Variants in COL4A4 observed in about 807,000 individuals in gnomAD.
COL4A4 encodes collagen type IV alpha 4 chain, also known as collagen alpha-4(IV) chain.
COL4A4 carries 105 observed loss-of-function variants against 192.9 expected under a neutral mutation model. That is an observed-to-expected ratio of 0.54 (90% CI 0.46 to 0.64). COL4A4 has a LOEUF of 0.64. Among genes scored for constraint, COL4A4 ranks in the 30% least tolerant of loss-of-function variants. COL4A4 has a pLI of 0.00. For synonymous variants in COL4A4, 762 were observed against 769.9 expected (o/e 0.99, Z 0.17); for missense variants, 1,967 against 2,169.3 (o/e 0.91, Z 1.85).
rs745663670 is a variant in COL4A4 at position 227,123,388 on chromosome 2, G to T, written c.193-2240C>A. On this transcript the variant is annotated intron_variant, in intron 4 of 47. Transcript: ENST00000396625. The surrounding 1 kb of genome is among the most constrained non-coding windows in gnomAD (Gnocchi z 4.6). ...GCCCTCACAGCCTGACTTCATCAGG[G>T]TGCTCCAGGAGCAACACAGAGGATG... Among the ~76,000 whole-genome samples the T allele has an allele frequency of 1.3e-5, 2 of 152,188 alleles. No homozygotes were observed. The highest frequency in any genetic ancestry group is 2.4e-5 in the African/African-American group (1 of 41,462).
At chr2:227,030,356 A>C in intron 41 of COL4A4, 87 bp downstream of exon 41, 1 of 1,416,794 alleles carries the variant, frequency 7.1e-7, no homozygotes, top group Non-Finnish European at 1.0e-6. Context: ...TTGCATAGGA[A>C]ATAGAAATGG....
At chr2:227,151,162 AT>A (rs891272994) in intron 1 of COL4A4, among the ~76,000 whole-genome samples, 29 of 152,238 alleles carry the variant, frequency 1.9e-4, no homozygotes, top group African/African-American at 6.7e-4. Context: ...TCCCCCACAT[AT>A]ATCCTAATGC....
intron 2 of COL4A4, 58 bp from the exon 3 acceptor site, chr2:227,144,616 A>T: frequency 7.3e-7 from 1 of 1,378,664 alleles, no homozygotes; most frequent in Non-Finnish European, 1.0e-6. Flanking sequence ...GTGAAACAAA[A>T]AGAAAAAGAG....
chr2:227,122,727 AT>A (rs1161484570), intron 4 of COL4A4, among the ~76,000 whole-genome samples: 1 of 152,228 alleles, frequency 6.6e-6, no homozygotes. Flanking sequence ...ATCGCATAGC[AT>A]GAAGGCCAGA....
intron 3 of COL4A4, among the ~76,000 whole-genome samples, chr2:227,142,400 A>G (rs1229156468): frequency 1.3e-5 from 2 of 152,208 alleles, no homozygotes; most frequent in East Asian, 1.9e-4. Flanking sequence ...TCAAAGAGAA[A>G]AAAGGAAAAG....
Position 227,014,548 on chromosome 2 carries a change from T to C in COL4A4, c.4217-2251A>G, listed in dbSNP as rs1415782633. 2.6e-5 allele frequency among the ~76,000 whole-genome samples: 4 copies of C among 152,214 alleles called. No individual in the cohort carries two copies. In the East Asian group the frequency reaches 7.7e-4, roughly 29 times the overall value. On this transcript the variant is annotated intron_variant, in intron 44 of 47. Coordinates refer to ENST00000396625, the MANE Select transcript of COL4A4 (RefSeq NM_000092.5). ...GCAAACACAAGTACTGTTTATTCTG[T>C]GTCAGGCTGTGTTCTAAGTGCTTTT...
the COL4A4 span, among the ~76,000 whole-genome samples, chr2:226,974,766 G>C: frequency 6.6e-6 from 1 of 152,146 alleles, no homozygotes; most frequent in South Asian, 2.1e-4. Context: ...TGCAGGCTGA[G>C]AGTCGTGAAC....
intron 24 of COL4A4, 61 bp from the exon 25 acceptor site, chr2:227,078,138 T>G: frequency 6.4e-7 from 1 of 1,561,776 alleles, no homozygotes; most frequent in South Asian, 1.1e-5. Context: ...CTCAAAGCAG[T>G]CATTGTAGGT....
At chr2:227,025,145 G>A (rs911613820) in intron 43 of COL4A4, among the ~76,000 whole-genome samples, 1 of 152,186 alleles carries the variant, frequency 6.6e-6, no homozygotes, top group Admixed American at 6.5e-5. Context: ...AATACATGGT[G>A]TCTATATTCA....
intron 4 of COL4A4, among the ~76,000 whole-genome samples, chr2:227,138,860 G>C (rs1422916481): frequency 6.6e-6 from 1 of 152,120 alleles, no homozygotes; most frequent in African/African-American, 2.4e-5. Context: ...CTTCTCTTGT[G>C]GGTAGTGTTT....
downstream of COL4A4, chr2:226,998,143 G>C (rs1385620732): frequency 2.0e-5 from 3 of 152,196 alleles, no homozygotes; most frequent in African/African-American, 7.2e-5. Flanking sequence ...TTTTAATGCA[G>C]AATCTTTACT....
At position 227,043,162 on chromosome 2, in the gene COL4A4, C is replaced by T; in HGVS notation, c.3312G>A (p.Glu1104=). Residue 1104 remains glutamate (E), a synonymous_variant, in exon 36 of 48, where the codon GAG becomes GAA. Coordinates refer to ENST00000396625, the MANE Select transcript of COL4A4 (RefSeq NM_000092.5). ...GCCCTTGAATACCAGGCAAGCCCTG[C>T]TCTCCGGATGCTCCAAAATGCCCTA... ...GCPGHFGASG[E]QGLPGIQGPR... is the part of the protein sequence containing the mutation. The T allele has an allele frequency of 6.2e-7, 1 of 1,614,128 alleles. No individual in the cohort carries two copies. Among genetic ancestry groups the T allele is most frequent in the Non-Finnish European group, 8.5e-7 (1 of 1,179,992 alleles).
At chr2:227,103,948 G>T in intron 13 of COL4A4, 24 bp downstream of exon 13, 2 of 1,572,424 alleles carry the variant, frequency 1.3e-6, no homozygotes, top group Non-Finnish European at 1.7e-6. Context: ...ACTTTCCAAG[G>T]TGACATATGG....
rs991054189 is a variant in COL4A4, at chr2:227,003,295, G to T, written c.*4030C>A. ...GTGACCATAGTAAGTGTATGATGAT[G>T]GGTATGCTAGACAGGTAATCTAACT... On this transcript the variant is annotated 3_prime_UTR_variant, in exon 48 of 48. Transcript: ENST00000396625. The T allele has an allele frequency of 1.3e-5, 2 of 152,158 alleles. No individual in the cohort carries two copies. Among genetic ancestry groups the T allele is most frequent in the African/African-American group, 2.4e-5 (1 of 41,422 alleles). The allele number at this position is 152,158 out of a possible 1,614,324, so 9.4% of individuals were successfully genotyped here.
At chr2:227,009,697 CA>C (rs796950369) in intron 46 of COL4A4, among the ~76,000 whole-genome samples, 397 of 86,362 alleles carry the variant, frequency 4.6e-3, no homozygotes, top group African/African-American at 9.5e-3. Context: ...GACTCCATCT[CA>C]AAAAAAAAAA....
At chr2:227,078,946 T>A (rs976828377) in intron 24 of COL4A4, among the ~76,000 whole-genome samples, 3 of 152,198 alleles carry the variant, frequency 2.0e-5, no homozygotes, top group Non-Finnish European at 2.9e-5. Context: ...AAAATTTGCA[T>A]CTGGTCTGGA....
At chr2:226,977,593 A>G in the COL4A4 span, among the ~76,000 whole-genome samples, 2 of 152,222 alleles carry the variant, frequency 1.3e-5, no homozygotes, top group Non-Finnish European at 2.9e-5. Flanking sequence ...GCCCTGTAGC[A>G]TAATTAGCAG....
At chr2:227,024,285 T>G (rs1026216143) in intron 43 of COL4A4, among the ~76,000 whole-genome samples, 21 of 152,098 alleles carry the variant, frequency 1.4e-4, no homozygotes, top group African/African-American at 5.1e-4. Context: ...CCGAGGCGGG[T>G]GGACTGCCTG....
At chr2:226,988,929 A>T in the COL4A4 span, among the ~76,000 whole-genome samples, 1 of 152,238 alleles carries the variant, frequency 6.6e-6, no homozygotes, top group Non-Finnish European at 1.5e-5. Flanking sequence ...TACTATTTGC[A>T]GTGAGCCTTA....
Sources: allele counts gnomAD v4.1 joint callset (sites outside exome capture counted in the v4.1 genomes callset), GRCh38; gene constraint gnomAD v4.1.1; non-coding constraint Gnocchi (gnomAD v3.1); transcripts MANE v1.5; gene names NCBI Gene and HGNC (gene_info 2026-07-23, HGNC 2026-07-21).